Variants in DROSHA observed in about 807,000 individuals in gnomAD.
DROSHA encodes drosha ribonuclease III, also known as ribonuclease 3.
DROSHA carries 56 observed loss-of-function variants against 181.9 expected under a neutral mutation model. The observed-to-expected ratio is 0.31, with a 90% CI of 0.25 to 0.38. The LOEUF (loss-of-function observed/expected upper bound fraction) is 0.38, where lower values mean the gene tolerates loss of function less well. DROSHA is among the 10% of genes least tolerant of loss of function. The probability of loss-of-function intolerance (pLI) is 1.00; values close to 1 mark genes in which losing one functional copy is unlikely to be tolerated. For synonymous variants in DROSHA, 524 were observed against 591.2 expected (o/e 0.89, Z 1.65); for missense variants, 1,218 against 1,743.5 (o/e 0.70, Z 5.37).
At chr5:31,454,098 G>A (rs1160931949) in intron 20 of DROSHA, among the ~76,000 whole-genome samples, 1 of 152,180 alleles carries the variant, frequency 6.6e-6, no homozygotes, top group Non-Finnish European at 1.5e-5. Flanking sequence ...ATCTGTGTGA[G>A]AGAAGAGAGG....
chr5:31,446,430 G>C (rs1353082599), intron 23 of DROSHA, among the ~76,000 whole-genome samples: 1 of 112,364 alleles, frequency 8.9e-6, no homozygotes, highest in Non-Finnish European at 1.7e-5. Context: ...CTGGGCGACA[G>C]AGCGAGACTC....
intron 30 of DROSHA, among the ~76,000 whole-genome samples, chr5:31,413,510 G>A (rs1741578222): frequency 6.6e-6 from 1 of 152,146 alleles, no homozygotes; most frequent in African/African-American, 2.4e-5. Context: ...ATGACCCAGG[G>A]GTATCAGCAA....
intron 20 of DROSHA, among the ~76,000 whole-genome samples, chr5:31,462,879 T>C (rs553140973): frequency 1.1e-4 from 16 of 152,238 alleles, no homozygotes; most frequent in Middle Eastern, 3.4e-3. Flanking sequence ...AGTTCAAAAC[T>C]ACTAACTAGA....
chr5:31,517,868 C>A (rs116794025), intron 6 of DROSHA, among the ~76,000 whole-genome samples: 1 of 151,824 alleles, frequency 6.6e-6, no homozygotes, highest in Non-Finnish European at 1.5e-5. Context: ...CGTTCAAAGA[C>A]GAACCTGGGC....
intron 30 of DROSHA, among the ~76,000 whole-genome samples, chr5:31,414,062 G>T (rs1336971117): frequency 1.3e-5 from 2 of 152,176 alleles, no homozygotes; most frequent in African/African-American, 4.8e-5. Context: ...ACACAGCAAG[G>T]TGACCACTGG....
At chr5:31,523,994 A>C (rs1354431204) in intron 5 of DROSHA, among the ~76,000 whole-genome samples, 2 of 114,846 alleles carry the variant, frequency 1.7e-5, no homozygotes, top group Non-Finnish European at 4.0e-5. Flanking sequence ...AAAAAAAAAA[A>C]ACAACAAAAA....
intron 26 of DROSHA, among the ~76,000 whole-genome samples, 186 bp downstream of exon 26, chr5:31,431,375 AAAAAAAAAAAAAAAG>A (rs1744161540): frequency 6.7e-6 from 1 of 150,144 alleles, no homozygotes; most frequent in African/African-American, 2.4e-5. Context: ...GCAAAAAAAA[AAAAAAAAAAAAAAAG>A]AGGCATGTTC....
intron 11 of DROSHA, among the ~76,000 whole-genome samples, chr5:31,498,615 T>C (rs1325598667): frequency 2.6e-5 from 4 of 152,094 alleles, no homozygotes; most frequent in Non-Finnish European, 5.9e-5. Context: ...CCCAGCACTT[T>C]GGGAGGCCAA....
chr5:31,431,535 A>G, intron 26 of DROSHA, 41 bp downstream of exon 26: 1 of 1,590,632 alleles, frequency 6.3e-7, no homozygotes, highest in South Asian at 1.1e-5. Flanking sequence ...GACTGTTTAG[A>G]CATGCAAGAA....
Position 31,401,268 on chromosome 5 carries a change from T to A in DROSHA, c.*164A>T. ...ATCTAATACTTTGTAATAAAGACCA[T>A]CCAGCTAAAAACAGATCATTAAAAC... On this transcript the variant is annotated 3_prime_UTR_variant, in exon 36 of 36. Transcript: ENST00000344624. 1 of 974,836 alleles carries A rather than the reference T, an allele frequency of 1.0e-6. No individual in the cohort carries two copies. The highest frequency in any genetic ancestry group is 1.3e-5 in the South Asian group (1 of 74,490). The allele number at this position is 974,836 out of a possible 1,614,324, so 60.4% of individuals were successfully genotyped here.
At chr5:31,498,586 G>A (rs1428128094) in intron 11 of DROSHA, among the ~76,000 whole-genome samples, 1 of 152,108 alleles carries the variant, frequency 6.6e-6, no homozygotes, top group African/African-American at 2.4e-5. Context: ...GGCCAGGCAC[G>A]GTGGCTCATG....
In DROSHA at chr5:31,507,328, C is replaced by T. The variant is rs115702316; in HGVS notation, c.1587+1293G>A. On this transcript the variant is annotated intron_variant, in intron 10 of 35. Transcript: ENST00000344624. ...ATACAAAATTGGCCAGGCGTGGAGG[C>T]GCATGCCTATACTCCCAGCTACTCA... Among the ~76,000 whole-genome samples, 898 of 152,148 alleles carry T rather than the reference C, an allele frequency of 5.9e-3. 12 individuals are homozygous for T. Among genetic ancestry groups the T allele is most frequent in the African/African-American group, 0.02 (850 of 41,478 alleles).
intron 6 of DROSHA, among the ~76,000 whole-genome samples, chr5:31,518,599 T>C (rs186705823): frequency 1.3e-5 from 2 of 152,326 alleles, no homozygotes; most frequent in South Asian, 2.1e-4. Flanking sequence ...GGGACTCTTT[T>C]TGGTTTGTTT....
intron 12 of DROSHA, 94 bp downstream of exon 12, chr5:31,495,192 G>T: frequency 3.8e-6 from 5 of 1,329,912 alleles, no homozygotes; most frequent in Non-Finnish European, 5.2e-6. Context: ...TTCAAAGTAA[G>T]AACATTTGAG....
Position 31,403,874 on chromosome 5 carries a change from C to T in DROSHA, c.3994+1803G>A, listed in dbSNP as rs528595271. ...TATTAAACATTTTCCTACTCTAAAA[C>T]ACATAGGTTTTTTTTATCTGCTACT... On this transcript the variant is annotated intron_variant, in intron 35 of 35. Transcript: ENST00000344624. Among the ~76,000 whole-genome samples the T allele has an allele frequency of 2.6e-5, 4 of 152,232 alleles. No individual in the cohort carries two copies. The South Asian group carries it at 8.3e-4, about 32-fold the overall frequency.
At chr5:31,437,885 C>A (rs1438874868) in intron 23 of DROSHA, among the ~76,000 whole-genome samples, 1 of 152,178 alleles carries the variant, frequency 6.6e-6, no homozygotes, top group African/African-American at 2.4e-5. Flanking sequence ...TCAGGCCAAG[C>A]TCCCTGCCAC....
chr5:31,431,346 C>A (rs1403551254), intron 26 of DROSHA, among the ~76,000 whole-genome samples: 1 of 125,084 alleles, frequency 8.0e-6, no homozygotes, highest in East Asian at 2.3e-4. Flanking sequence ...ACACCAGACA[C>A]CAATTCAGGC....
intron 22 of DROSHA, 112 bp from the exon 23 acceptor site, chr5:31,448,719 G>A: frequency 2.6e-6 from 2 of 760,476 alleles, no homozygotes; most frequent in South Asian, 1.7e-5. Context: ...TAAAAGGTTT[G>A]GAATCTACCT....
chr5:31,523,375 T>A (rs1740125967), intron 5 of DROSHA, among the ~76,000 whole-genome samples: 2 of 152,224 alleles, frequency 1.3e-5, no homozygotes, highest in South Asian at 4.1e-4. Context: ...TTAGAAGTAA[T>A]TCTTACGACA....
Sources: allele counts gnomAD v4.1 joint callset (sites outside exome capture counted in the v4.1 genomes callset), GRCh38; gene constraint gnomAD v4.1.1; transcripts MANE v1.5; gene names NCBI Gene and HGNC (gene_info 2026-07-23, HGNC 2026-07-21).